The following SEMA6D variants were observed in gnomAD, a reference collection of about 807,000 sequenced individuals.
The protein encoded by SEMA6D is semaphorin-6D.
In SEMA6D, 35 loss-of-function variants were observed where a neutral mutation model predicts 106.6. That is an observed-to-expected ratio of 0.33 (90% CI 0.25 to 0.44). SEMA6D has a LOEUF of 0.44. SEMA6D is among the 20% of genes least tolerant of loss of function. SEMA6D has a pLI of 1.00. For missense variants in SEMA6D, 1,185 were observed against 1,345.9 expected, an observed-to-expected ratio of 0.88 and a Z score of 1.87; for synonymous variants, 499 against 487.7, an observed-to-expected ratio of 1.02 and a Z score of -0.31.
chr15:47,274,867 A>G (rs923383395), intron 1 of SEMA6D: 9 of 152,192 alleles, frequency 5.9e-5, no homozygotes, highest in Admixed American at 5.2e-4. Flanking sequence ...GAATTTGTCT[A>G]TGAAGATAAG....
chr15:47,641,312 C>G (rs763761889), intron 4 of SEMA6D, among the ~76,000 whole-genome samples: 5 of 152,166 alleles, frequency 3.3e-5, no homozygotes, highest in Non-Finnish European at 7.3e-5. Flanking sequence ...TGAGAAAGTG[C>G]GAGAACTGAG....
chr15:47,647,719 C>CAAAAAAAAAAAAAAA (rs777557315), intron 4 of SEMA6D, among the ~76,000 whole-genome samples: 2 of 93,838 alleles, frequency 2.1e-5, no homozygotes, highest in Non-Finnish European at 5.2e-5. Flanking sequence ...CAATTGTGGG[C>CAAAAAAAAAAAAAAA]AAAAAAAAAA....
chr15:47,457,252 C>T (rs540493736), intron 2 of SEMA6D, among the ~76,000 whole-genome samples: 2 of 151,816 alleles, frequency 1.3e-5, no homozygotes, highest in African/African-American at 4.8e-5. Context: ...TTAAAGAATA[C>T]AAAAATATCC....
chr15:47,662,280 G>A (rs1314899696), intron 4 of SEMA6D, among the ~76,000 whole-genome samples: 3 of 151,878 alleles, frequency 2.0e-5, no homozygotes, highest in African/African-American at 7.3e-5. Flanking sequence ...GTGTGGCTGT[G>A]TTGTTTCCTC....
intron 3 of SEMA6D, among the ~76,000 whole-genome samples, chr15:47,479,377 G>T (rs1246775897): frequency 1.3e-5 from 2 of 152,056 alleles, no homozygotes; most frequent in Non-Finnish European, 2.9e-5. Flanking sequence ...TAAGAGGCAG[G>T]CTTGATGCTA....
At chr15:47,518,581 GGTAA>G (rs1566851293) in intron 3 of SEMA6D, among the ~76,000 whole-genome samples, 1 of 152,082 alleles carries the variant, frequency 6.6e-6, no homozygotes, top group East Asian at 1.9e-4. Context: ...TTAGAACAAC[GGTAA>G]GTATTTATAT....
chr15:47,385,065 T>TA (rs1555431130), intron 1 of SEMA6D, among the ~76,000 whole-genome samples: 1,675 of 137,216 alleles, frequency 0.012, 72 homozygotes, highest in African/African-American at 0.043. Flanking sequence ...TTTTTTTTTT[T>TA]ACCATAGAAC....
intron 3 of SEMA6D, among the ~76,000 whole-genome samples, chr15:47,587,392 C>G (rs2076361371): frequency 6.6e-6 from 1 of 152,216 alleles, no homozygotes; most frequent in Admixed American, 6.5e-5. Context: ...CATTTCAGAC[C>G]TCTCTGAAGA....
rs558262159 is a variant in SEMA6D, at chr15:47,539,587, G to C, written c.-86-61278G>C. On this transcript the variant is annotated intron_variant, in intron 3 of 19. Coordinates refer to the SEMA6D transcript ENST00000558014. ...CTACAGGCAAGCACCACCACACCCG[G>C]CTAATTTTTGTATTTTTAGGAGAGA... 3.2e-4 allele frequency among the ~76,000 whole-genome samples: 49 copies of C among 152,110 alleles called. 1 individual carries two copies. In the South Asian group the frequency reaches 8.9e-3, roughly 28 times the overall value.
chr15:47,418,624 G>T (rs1031245848), intron 2 of SEMA6D, among the ~76,000 whole-genome samples: 3 of 152,006 alleles, frequency 2.0e-5, no homozygotes, highest in African/African-American at 7.2e-5. Context: ...TCACCTAAAG[G>T]GTTAGGATTT....
At chr15:47,205,653 C>A (rs1315602400) in intron 1 of SEMA6D, among the ~76,000 whole-genome samples, 1 of 151,990 alleles carries the variant, frequency 6.6e-6, no homozygotes, top group African/African-American at 2.4e-5. Context: ...TTGAGAAGCC[C>A]TTTAGAAAGC....
At chr15:47,216,772 A>G (rs2030659562) in intron 1 of SEMA6D, among the ~76,000 whole-genome samples, 1 of 152,152 alleles carries the variant, frequency 6.6e-6, no homozygotes, top group Non-Finnish European at 1.5e-5. Flanking sequence ...AAAATATTAA[A>G]CATCAAATAT....
At chr15:47,274,630 C>G (rs2034714558) in intron 1 of SEMA6D, among the ~76,000 whole-genome samples, 1 of 152,112 alleles carries the variant, frequency 6.6e-6, no homozygotes, top group Non-Finnish European at 1.5e-5. Flanking sequence ...GGGAATGAAA[C>G]TTCTATGAGG....
chr15:47,725,276 A>G (rs1370491405), intron 1 of SEMA6D, among the ~76,000 whole-genome samples: 3 of 152,234 alleles, frequency 2.0e-5, no homozygotes, highest in Non-Finnish European at 2.9e-5. Context: ...GTAGATATGC[A>G]GCAAGTGTTT....
intron 1 of SEMA6D, chr15:47,730,141 T>G: frequency 3.0e-6 from 4 of 1,324,290 alleles, no homozygotes; most frequent in Non-Finnish European, 4.3e-6. Context: ...CAGTGTACAT[T>G]TAACCCAATT....
At chr15:47,601,895 GA>G (rs1386495859) in intron 4 of SEMA6D, among the ~76,000 whole-genome samples, 1 of 152,048 alleles carries the variant, frequency 6.6e-6, no homozygotes, top group Non-Finnish European at 1.5e-5. Context: ...TCAGATCATA[GA>G]AAAAGTCAAG....
chr15:47,523,161 A>G (rs2044643078), intron 3 of SEMA6D, among the ~76,000 whole-genome samples: 1 of 152,138 alleles, frequency 6.6e-6, no homozygotes. Context: ...AGTGCTTGGG[A>G]TCCCACTTGG....
At chr15:47,640,443 A>G (rs2077467596) in intron 4 of SEMA6D, among the ~76,000 whole-genome samples, 1 of 152,194 alleles carries the variant, frequency 6.6e-6, no homozygotes, top group Non-Finnish European at 1.5e-5. Context: ...TCTTCACCTT[A>G]GAGTGAACTT....
intron 9 of SEMA6D, among the ~76,000 whole-genome samples, chr15:47,763,589 G>A (rs2082176924): frequency 6.6e-6 from 1 of 152,166 alleles, no homozygotes; most frequent in African/African-American, 2.4e-5. Context: ...CAAGTGCAGG[G>A]ATGGTTTTCA....
Sources: gnomAD v4.1 joint callset for allele counts (sites outside exome capture counted in the v4.1 genomes callset) on GRCh38, gnomAD v4.1.1 for gene constraint, MANE v1.5 for transcripts, NCBI Gene and HGNC (gene_info 2026-07-23, HGNC 2026-07-21) for gene names.